The following THBS2 variants were observed in gnomAD, a reference collection of about 807,000 sequenced individuals.
THBS2 encodes the protein thrombospondin 2, also known as thrombospondin-2.
Under a neutral mutation model 135.2 loss-of-function variants are expected in THBS2, and 47 were observed. The ratio of observed to expected loss-of-function variants is 0.35; its 90% CI spans 0.28 to 0.44. The LOEUF (loss-of-function observed/expected upper bound fraction) is 0.44, where lower values mean the gene tolerates loss of function less well. Among genes scored for constraint, THBS2 ranks in the 20% least tolerant of loss-of-function variants. THBS2 has a pLI of 1.00. For missense variants in THBS2, 1,288 were observed against 1,603.1 expected, an observed-to-expected ratio of 0.80 and a Z score of 3.36; for synonymous variants, 639 against 633.8, an observed-to-expected ratio of 1.01 and a Z score of -0.12.
chr6:169,245,950 TA>T (rs777662286), intron 4 of THBS2: 11 of 358,786 alleles, frequency 3.1e-5, no homozygotes, highest in Non-Finnish European at 5.1e-5. Flanking sequence ...TCTTCTATAA[TA>T]AAATTATTTG....
chr6:169,248,603 G>A lies in THBS2; in HGVS notation c.423C>T (p.Asp141=), dbSNP rs373775267. ...TCCACTGCGAGTCAGCCAGGCCGACGTCCTCCAGGGAGACCACATGCCGGG... is the reference window on the plus strand; with the variant it reads ...TCCACTGCGAGTCAGCCAGGCCGACATCCTCCAGGGAGACCACATGCCGGG... ...DGTRHVVSLE[D]VGLADSQWKN... Residue 141 remains aspartate (D), a synonymous_variant, in exon 3 of 22, where the codon GAC becomes GAT. Transcript: ENST00000617924. 3 of 1,614,016 alleles carry A rather than the reference G, an allele frequency of 1.9e-6. No homozygotes were observed. The highest frequency in any genetic ancestry group is 2.2e-5 in the East Asian group (1 of 44,850).
intron 14 of THBS2, 151 bp downstream of exon 14, chr6:169,229,421 C>T: frequency 1.7e-6 from 1 of 598,056 alleles, no homozygotes. Flanking sequence ...AAAGGACTGT[C>T]TTTATAGTGA....
Position 169,216,112 on chromosome 6 carries a change from C to G in THBS2, c.*1710G>C, listed in dbSNP as rs1227250509. 1 of 152,108 alleles carries G rather than the reference C, an allele frequency of 6.6e-6. No homozygotes were observed. Among genetic ancestry groups the G allele is most frequent in the Non-Finnish European group, 1.5e-5 (1 of 68,028 alleles). 9.4% of individuals were successfully genotyped at this position (152,108 alleles called of 1,614,324 possible). On this transcript the variant is annotated 3_prime_UTR_variant, in exon 22 of 22. Coordinates refer to ENST00000617924, the MANE Select transcript of THBS2 (RefSeq NM_003247.5). Reference sequence around the variant, plus strand: ...CATTTAATGAAGTATCCCAACGCTTCGTTGGTCTCGGGAATACAGCTCCAC... The same window carrying G: ...CATTTAATGAAGTATCCCAACGCTTGGTTGGTCTCGGGAATACAGCTCCAC...
intron 3 of THBS2, 144 bp downstream of exon 3, chr6:169,248,273 G>T: frequency 1.0e-6 from 1 of 967,648 alleles, no homozygotes; most frequent in Non-Finnish European, 1.5e-6. Context: ...ACGCATGTGT[G>T]TGAGCACATG....
chr6:169,248,286 G>T, intron 3 of THBS2, 131 bp downstream of exon 3: 1 of 1,079,538 alleles, frequency 9.3e-7, no homozygotes, highest in Non-Finnish European at 1.3e-6. Context: ...AGCACATGCC[G>T]GGATGTGCAG....
Position 169,220,318 on chromosome 6 carries a change from T to C in THBS2, c.3391A>G (p.Lys1131Glu). Reference protein sequence around the residue: ...GYIRVLVHEGKQVMADSGPIY... With the variant: ...GYIRVLVHEGEQVMADSGPIY... ...GGTCCTGAGTCTGCCATGACCTGTTTTCCTTCATGCACTAAGACTCTAAAA... is the reference window on the plus strand; with the variant it reads ...GGTCCTGAGTCTGCCATGACCTGTTCTCCTTCATGCACTAAGACTCTAAAA... Residue 1131 changes from lysine to glutamate, a missense_variant, in exon 21 of 22, where the codon AAA becomes GAA. Lys to Glu is a moderately conservative substitution (Grantham distance 56, BLOSUM62 1). Coordinates refer to ENST00000617924, the MANE Select transcript of THBS2 (RefSeq NM_003247.5). 1 of 1,612,992 alleles carries C rather than the reference T, an allele frequency of 6.2e-7. No individual in the cohort carries two copies. The highest frequency in any genetic ancestry group is 8.5e-7 in the Non-Finnish European group (1 of 1,179,558).
intron 9 of THBS2, among the ~76,000 whole-genome samples, chr6:169,236,465 ACACT>A (rs369125341): frequency 2.4e-5 from 2 of 82,974 alleles, no homozygotes; most frequent in Admixed American, 1.5e-4. Context: ...AACACCATCC[ACACT>A]CACTCCCCAT....
chr6:169,231,051 CTGAG>C (rs2114992367), intron 13 of THBS2, among the ~76,000 whole-genome samples: 1 of 152,314 alleles, frequency 6.6e-6, no homozygotes, highest in African/African-American at 2.4e-5. Context: ...GTGCGGTGGA[CTGAG>C]TGGCAGTCCC....
chr6:169,228,290 C>T lies in THBS2; in HGVS notation c.2260-9G>A. 3.1e-6 allele frequency: 5 copies of T among 1,613,836 alleles called. No homozygotes were observed. The highest frequency in any genetic ancestry group is 3.4e-6 in the Non-Finnish European group (4 of 1,179,904). On this transcript the variant is annotated splice_polypyrimidine_tract_variant and intron_variant, in intron 14 of 21. Coordinates refer to ENST00000617924, the MANE Select transcript of THBS2 (RefSeq NM_003247.5). ...AGGAGCTGGCAGTTGTCCTGGAAAA[C>T]CAAGAAAGGGAAGACTTTAACGAAG... is the stretch of plus-strand genomic sequence containing the variant.
chr6:169,247,251 G>C (rs1780581857), intron 3 of THBS2, among the ~76,000 whole-genome samples: 1 of 152,196 alleles, frequency 6.6e-6, no homozygotes, highest in African/African-American at 2.4e-5. Flanking sequence ...TTGTGTGTGT[G>C]TGCGCTTGTA....
intron 4 of THBS2, 67 bp downstream of exon 4, chr6:169,246,128 CAT>C (rs1780546676): frequency 7.4e-7 from 1 of 1,347,268 alleles, no homozygotes; most frequent in Non-Finnish European, 1.1e-6. Context: ...CACACACACA[CAT>C]ACACCATGTC....
intron 9 of THBS2, among the ~76,000 whole-genome samples, chr6:169,236,491 C>CCCG (rs562769962): frequency 3.4e-5 from 3 of 87,946 alleles, no homozygotes; most frequent in African/African-American, 4.4e-5. Context: ...CACACTCACT[C>CCCG]TCCACATTCA....
At chr6:169,239,537 TAAAC>T (rs1780217991) in intron 7 of THBS2, 58 bp downstream of exon 7, 11 of 1,468,804 alleles carry the variant, frequency 7.5e-6, no homozygotes, top group South Asian at 1.2e-5. Context: ...AATGAATAAA[TAAAC>T]AAACAAGCAT....
Position 169,225,450 on chromosome 6 carries a change from C to T in THBS2, c.2539-71G>A, listed in dbSNP as rs137965736. 8.1e-3 allele frequency: 11,778 copies of T among 1,458,484 alleles called. 59 individuals are homozygous for T. The highest frequency in any genetic ancestry group is 9.5e-3 in the Non-Finnish European group (10,143 of 1,066,920). 90.3% of individuals were successfully genotyped at this position (1,458,484 alleles called of 1,614,324 possible). ...AGGAGGTGGAGAGGAACCAGCAGGA[C>T]GCAAGCCTGAGAGCCGGCCTCCTCG... On this transcript the variant is annotated intron_variant, in intron 16 of 21. Transcript: ENST00000617924.
chr6:169,219,346 G>GGATGGAGGA (rs1779333019), intron 21 of THBS2, among the ~76,000 whole-genome samples: 2 of 129,132 alleles, frequency 1.5e-5, no homozygotes, highest in Non-Finnish European at 1.6e-5. Context: ...GTGGGTGGAT[G>GGATGGAGGA]GATGGATGGT....
intron 13 of THBS2, 126 bp downstream of exon 13, chr6:169,231,854 A>T: frequency 1.1e-6 from 1 of 899,980 alleles, no homozygotes; most frequent in South Asian, 1.7e-5. Flanking sequence ...ATCAGGCAAG[A>T]GGCCTGAGAG....
In THBS2 at chr6:169,252,319, C is replaced by A. The variant is rs143463566; in HGVS notation, c.-23+1405G>T. Among the ~76,000 whole-genome samples the A allele has an allele frequency of 7.9e-4, 121 of 152,216 alleles. No individual in the cohort carries two copies. Among genetic ancestry groups the A allele is most frequent in the African/African-American group, 2.9e-3 (120 of 41,542 alleles). On this transcript the variant is annotated intron_variant, in intron 1 of 21. Coordinates refer to ENST00000617924, the MANE Select transcript of THBS2 (RefSeq NM_003247.5). This position sits in a 1 kb window ranked among gnomAD's most constrained non-coding sequence, Gnocchi z 4.3. ...CCTGCATGCAGTAAGCACCACAGAA[C>A]GGTGTTAGAATACACAGCTCAGGTA...
At chr6:169,231,837 C>T in intron 13 of THBS2, 143 bp downstream of exon 13, 1 of 900,706 alleles carries the variant, frequency 1.1e-6, no homozygotes, top group Non-Finnish European at 1.7e-6. Flanking sequence ...ATGCATTCAA[C>T]CTGGTGATCA....
chr6:169,225,954 A>G (rs553918893), intron 16 of THBS2, among the ~76,000 whole-genome samples: 1 of 152,354 alleles, frequency 6.6e-6, no homozygotes, highest in East Asian at 1.9e-4. Context: ...TTCAATTGAA[A>G]TCATTGAAAA....
Sources: allele counts gnomAD v4.1 joint callset (sites outside exome capture counted in the v4.1 genomes callset), GRCh38; gene constraint gnomAD v4.1.1; non-coding constraint Gnocchi (gnomAD v3.1); transcripts MANE v1.5; gene names NCBI Gene and HGNC (gene_info 2026-07-23, HGNC 2026-07-21).